The following DBF4 variants were observed in gnomAD, a reference collection of about 807,000 sequenced individuals.
DBF4 encodes the protein protein DBF4 homolog A.
A neutral mutation model predicts 76.6 loss-of-function variants in DBF4; 25 were observed. That is an observed-to-expected ratio of 0.33 (90% CI 0.24 to 0.46). The LOEUF (loss-of-function observed/expected upper bound fraction) is 0.46, where lower values mean the gene tolerates loss of function less well. DBF4 is among the 20% of genes least tolerant of loss of function. The pLI, the probability that DBF4 is intolerant of heterozygous loss-of-function variation, is 1.00. For synonymous variants in DBF4, 213 were observed against 258.0 expected, an observed-to-expected ratio of 0.83 and a Z score of 1.67; for missense variants, 638 against 760.8, an observed-to-expected ratio of 0.84 and a Z score of 1.90.
At chr7:87,907,094 T>C in intron 11 of DBF4, 94 bp from the exon 12 acceptor site, 8 of 1,212,368 alleles carry the variant, frequency 6.6e-6, no homozygotes, top group Non-Finnish European at 8.9e-6. Flanking sequence ...TCTTAAAGAT[T>C]ATATAATGTT....
chr7:87,884,011 T>G (rs1839282067), intron 2 of DBF4, among the ~76,000 whole-genome samples: 1 of 152,214 alleles, frequency 6.6e-6, no homozygotes. Context: ...CATGTCTTTA[T>G]AAGTAAATTC....
intron 3 of DBF4, 110 bp downstream of exon 3, chr7:87,885,268 G>A (rs1187579858): frequency 3.3e-6 from 3 of 905,186 alleles, no homozygotes; most frequent in Non-Finnish European, 3.3e-6. Flanking sequence ...CATTTGCAAA[G>A]CCACATGATG....
chr7:87,886,535 C>CAAAAAA (rs11411808), intron 3 of DBF4, among the ~76,000 whole-genome samples: 1 of 54,238 alleles, frequency 1.8e-5, no homozygotes, highest in African/African-American at 6.6e-5. Context: ...ACTTTGTCTC[C>CAAAAAA]AAAAAAAAAA....
rs1267435391 is a variant in DBF4 at position 87,900,886 on chromosome 7, T to C, written c.924+8T>C. 1 of 1,603,622 alleles carries C rather than the reference T, an allele frequency of 6.2e-7. No individual in the cohort carries two copies. The highest frequency in any genetic ancestry group is 8.5e-7 in the Non-Finnish European group (1 of 1,173,680). ...TATGAAGATCTAGAAACTGTAAATGTGATTTTATATTTTGGGGGCTTGTTT... is the reference window on the plus strand; with the variant it reads ...TATGAAGATCTAGAAACTGTAAATGCGATTTTATATTTTGGGGGCTTGTTT... On this transcript the variant is annotated splice_region_variant and intron_variant, in intron 10 of 11. Transcript: ENST00000265728.
At chr7:87,884,826 G>T (rs183702354) in intron 2 of DBF4, among the ~76,000 whole-genome samples, 153 bp from the exon 3 acceptor site, 126 of 152,284 alleles carry the variant, frequency 8.3e-4, no homozygotes, top group African/African-American at 3.0e-3. Context: ...AGTCCCAGCT[G>T]TTCAGAAGGC....
chr7:87,888,126 T>G, intron 6 of DBF4, 67 bp downstream of exon 6: 1 of 1,480,958 alleles, frequency 6.8e-7, no homozygotes, highest in South Asian at 1.4e-5. Context: ...TTTGCAAAGT[T>G]TTCCTCCCAA....
intron 2 of DBF4, among the ~76,000 whole-genome samples, chr7:87,878,909 C>A (rs1010136141): frequency 6.6e-6 from 1 of 152,134 alleles, no homozygotes; most frequent in Non-Finnish European, 1.5e-5. Flanking sequence ...CTAAACTGAT[C>A]CTTTCATTCC....
At chr7:87,901,969 T>G (rs1018255466) in intron 10 of DBF4, among the ~76,000 whole-genome samples, 2 of 152,222 alleles carry the variant, frequency 1.3e-5, no homozygotes, top group African/African-American at 4.8e-5. Context: ...TCAGTTTTTT[T>G]GTTTTTATGT....
chr7:87,876,863 C>G (rs1839061918), intron 1 of DBF4, 85 bp downstream of exon 1: 3 of 1,464,380 alleles, frequency 2.0e-6, no homozygotes, highest in East Asian at 2.3e-5. Flanking sequence ...ACTTCTCCCG[C>G]CGGGTCCTCA....
At chr7:87,882,786 T>G (rs181275248) in intron 2 of DBF4, among the ~76,000 whole-genome samples, 1 of 152,338 alleles carries the variant, frequency 6.6e-6, no homozygotes, top group East Asian at 1.9e-4. Context: ...GGATGGTTAC[T>G]GTTAACCAGA....
rs114660153 is a variant in DBF4, at chr7:87,897,473, G to T, written c.680+134G>T. On this transcript the variant is annotated intron_variant, in intron 8 of 11. Transcript: ENST00000265728. ...TTTATATTATACTAATGTGCATGCG[G>T]CACAAGTTAACGAAAGTAGCATTAA... 618 of 708,454 alleles carry T rather than the reference G, an allele frequency of 8.7e-4. 8 individuals are homozygous for T. In the African/African-American group the frequency reaches 0.01, roughly 12 times the overall value. 43.9% of individuals were successfully genotyped at this position (708,454 alleles called of 1,614,324 possible).
chr7:87,900,145 T>A, intron 8 of DBF4, 76 bp from the exon 9 acceptor site: 2 of 1,245,866 alleles, frequency 1.6e-6, no homozygotes, highest in Non-Finnish European at 2.3e-6. Context: ...AATTATATGA[T>A]TTTGAAATAC....
In DBF4 at chr7:87,908,144, C is replaced by G. The variant is rs901302995; in HGVS notation, c.2006C>G (p.Ser669Cys). ...LTAFFSSPSTSTFTGF is the reference protein window; with the variant it reads ...LTAFFSSPSTCTFTGF ...GCGTTTTTCTCGTCCCCTTCAACTT[C>G]TACATTTACTGGCTTTTAGAATTTA... Residue 669 changes from serine (S) to cysteine (C), a missense_variant, in exon 12 of 12, where the codon TCT becomes TGT. By Grantham distance (112) the Ser-to-Cys change is moderately radical. Coordinates refer to ENST00000265728, the MANE Select transcript of DBF4 (RefSeq NM_006716.4). 1 of 1,583,126 alleles carries G rather than the reference C, an allele frequency of 6.3e-7. No individual in the cohort carries two copies. The highest frequency in any genetic ancestry group is 8.6e-7 in the Non-Finnish European group (1 of 1,166,664).
chr7:87,889,204 A>C (rs563176727), intron 6 of DBF4, among the ~76,000 whole-genome samples: 13 of 152,102 alleles, frequency 8.5e-5, no homozygotes, highest in Non-Finnish European at 1.5e-4. Flanking sequence ...GTCATTTTGG[A>C]AAGATCTTCT....
At position 87,907,163 on chromosome 7, in the gene DBF4, T is replaced by G. The variant is rs762584238; in HGVS notation, c.1050-25T>G. Reference sequence around the variant, plus strand: ...TGTTTTGATAGCAATTATTTTAATATTTTTCTTCTATTTTTCCTACAAAGA... The same window carrying G: ...TGTTTTGATAGCAATTATTTTAATAGTTTTCTTCTATTTTTCCTACAAAGA... On this transcript the variant is annotated intron_variant, in intron 11 of 11. Transcript: ENST00000265728. 8 of 1,511,088 alleles carry G rather than the reference T, an allele frequency of 5.3e-6. No individual in the cohort carries two copies. The East Asian group carries it at 1.8e-4, about 35-fold the overall frequency. 93.6% of individuals were successfully genotyped at this position (1,511,088 alleles called of 1,614,324 possible). A position where few individuals can be genotyped will look rare whatever the true frequency, so the allele number is the denominator to read the frequency against.
chr7:87,876,917 C>T, intron 1 of DBF4, 139 bp downstream of exon 1: 3 of 906,442 alleles, frequency 3.3e-6, no homozygotes, highest in Non-Finnish European at 5.1e-6. Context: ...AAGGAAGGAG[C>T]CCCCGTTCAG....
intron 3 of DBF4, among the ~76,000 whole-genome samples, chr7:87,886,315 G>A (rs1311418428): frequency 7.2e-5 from 11 of 151,876 alleles, no homozygotes; most frequent in South Asian, 4.1e-4. Flanking sequence ...GGTGAATCAC[G>A]AGGTCAGGAG....
chr7:87,883,581 T>G (rs1165695161), intron 2 of DBF4, among the ~76,000 whole-genome samples: 1 of 152,192 alleles, frequency 6.6e-6, no homozygotes, highest in African/African-American at 2.4e-5. Context: ...CATTTGAGTC[T>G]AATCCCTGGA....
intron 10 of DBF4, among the ~76,000 whole-genome samples, chr7:87,901,184 T>G (rs1360774205): frequency 1.3e-5 from 2 of 152,128 alleles, no homozygotes; most frequent in African/African-American, 2.4e-5. Context: ...AATAAAAATA[T>G]AGAGAGAGAA....
Sources: gnomAD v4.1 joint callset for allele counts (sites outside exome capture counted in the v4.1 genomes callset) on GRCh38, gnomAD v4.1.1 for gene constraint, MANE v1.5 for transcripts, NCBI Gene and HGNC (gene_info 2026-07-23, HGNC 2026-07-21) for gene names.